Variants in TXNRD1 observed in about 807,000 individuals in gnomAD.
TXNRD1 encodes the protein thioredoxin reductase 1.
TXNRD1 carries 57 observed loss-of-function variants against 80.3 expected under a neutral mutation model. The observed-to-expected ratio is 0.71, with a 90% CI of 0.57 to 0.89. The LOEUF (loss-of-function observed/expected upper bound fraction) is 0.89, where lower values mean the gene tolerates loss of function less well. TXNRD1 is among the 40% of genes least tolerant of loss of function. The pLI, the probability that TXNRD1 is intolerant of heterozygous loss-of-function variation, is 0.00. For missense variants in TXNRD1, 730 were observed against 803.0 expected (o/e 0.91, Z 1.10); for synonymous variants, 291 against 285.2 (o/e 1.02, Z -0.20).
chr12:104,344,144 T>C (rs565447550), intron 16 of TXNRD1, among the ~76,000 whole-genome samples: 26 of 151,086 alleles, frequency 1.7e-4, no homozygotes, highest in Admixed American at 1.3e-3. Context: ...AACTGTAGGG[T>C]TGATTAAAAT....
intron 3 of TXNRD1, among the ~76,000 whole-genome samples, chr12:104,271,773 T>C (rs2033656840): frequency 6.6e-6 from 1 of 151,742 alleles, no homozygotes; most frequent in South Asian, 2.1e-4. Flanking sequence ...TGGTTTAGCT[T>C]GGGCTCAGAG....
intron 16 of TXNRD1, among the ~76,000 whole-genome samples, chr12:104,347,249 G>A (rs1315089626): frequency 6.6e-6 from 1 of 151,264 alleles, no homozygotes. Context: ...TTAAGATACT[G>A]GCCATTAGTA....
intron 3 of TXNRD1, among the ~76,000 whole-genome samples, chr12:104,277,119 C>A (rs558862691): frequency 6.6e-6 from 1 of 151,034 alleles, no homozygotes; most frequent in African/African-American, 2.4e-5. Context: ...AGGCCGGGTG[C>A]GGTGGCTCAT....
chr12:104,256,048 C>CATTT (rs757453572), intron 2 of TXNRD1, among the ~76,000 whole-genome samples: 2 of 152,266 alleles, frequency 1.3e-5, no homozygotes, highest in East Asian at 3.9e-4. Context: ...TAGCTGTTCA[C>CATTT]ATTTATTTAT....
At chr12:104,334,702 A>G (rs1202932992) in intron 15 of TXNRD1, among the ~76,000 whole-genome samples, 3 of 152,172 alleles carry the variant, frequency 2.0e-5, no homozygotes, top group Admixed American at 1.3e-4. Context: ...AGTTGGTCAC[A>G]TGGTGCAGAT....
intron 1 of TXNRD1, among the ~76,000 whole-genome samples, chr12:104,235,283 G>C (rs569312928): frequency 6.6e-6 from 1 of 152,292 alleles, no homozygotes; most frequent in South Asian, 2.1e-4. Flanking sequence ...AAATGGAGCA[G>C]GGGTGGGGGC....
chr12:104,265,720 C>G, intron 3 of TXNRD1: 1 of 1,599,392 alleles, frequency 6.3e-7, no homozygotes. Flanking sequence ...CAGCAAGTGC[C>G]GCCGGCCGGC....
At chr12:104,310,396 G>A (rs1405197443) in intron 4 of TXNRD1, among the ~76,000 whole-genome samples, 2 of 152,140 alleles carry the variant, frequency 1.3e-5, no homozygotes, top group African/African-American at 4.8e-5. Context: ...TGATCCTCCC[G>A]CCTTGGCCTC....
chr12:104,277,878 T>A (rs2033788048), intron 3 of TXNRD1, among the ~76,000 whole-genome samples: 1 of 93,304 alleles, frequency 1.1e-5, no homozygotes, highest in South Asian at 3.3e-4. Flanking sequence ...TTGGCAAGAT[T>A]CTTTTTTTTT....
At chr12:104,234,350 A>C (rs1327374731) in intron 1 of TXNRD1, among the ~76,000 whole-genome samples, 1 of 152,158 alleles carries the variant, frequency 6.6e-6, no homozygotes, top group Non-Finnish European at 1.5e-5. Flanking sequence ...GCTGGAGTGC[A>C]GTGGCATGAT....
chr12:104,321,362 A>C, intron 10 of TXNRD1, 46 bp downstream of exon 10: 1 of 1,505,182 alleles, frequency 6.6e-7, no homozygotes, highest in Non-Finnish European at 9.2e-7. Context: ...ATTCACAGTA[A>C]AAGGCAAAAA....
intron 3 of TXNRD1, chr12:104,286,921 T>G: frequency 8.6e-7 from 1 of 1,161,050 alleles, no homozygotes; most frequent in South Asian, 2.0e-5. Context: ...GCACGAGGAG[T>G]GGATTTCTGC....
chr12:104,228,660 A>G (rs2032532608), intron 1 of TXNRD1, among the ~76,000 whole-genome samples: 1 of 152,170 alleles, frequency 6.6e-6, no homozygotes, highest in Admixed American at 6.6e-5. Context: ...CAGGGGAATA[A>G]CCATTTAAAA....
chr12:104,259,552 T>C (rs10778310), intron 3 of TXNRD1, among the ~76,000 whole-genome samples: 133,458 of 146,806 alleles, frequency 0.91, 60,892 homozygotes, highest in African/African-American at 0.98. Flanking sequence ...AGTGCAATGG[T>C]GCGATCTCAG....
intron 4 of TXNRD1, among the ~76,000 whole-genome samples, chr12:104,296,387 T>C (rs2034435946): frequency 1.3e-5 from 2 of 152,218 alleles, no homozygotes; most frequent in East Asian, 1.9e-4. Context: ...AAAAAAAATA[T>C]ACATTTTAAT....
intron 3 of TXNRD1, among the ~76,000 whole-genome samples, chr12:104,275,185 G>T (rs2033731350): frequency 6.6e-6 from 1 of 151,604 alleles, no homozygotes; most frequent in Admixed American, 6.6e-5. Context: ...GGCTGAGGCA[G>T]GAGAACCACT....
At chr12:104,241,113 C>T in intron 1 of TXNRD1, among the ~76,000 whole-genome samples, 1 of 151,456 alleles carries the variant, frequency 6.6e-6, no homozygotes, top group Non-Finnish European at 1.5e-5. Flanking sequence ...GGTCTCGGCT[C>T]ACTGCAACCT....
At chr12:104,263,602 T>C (rs1415699164) in intron 3 of TXNRD1, among the ~76,000 whole-genome samples, 2 of 152,220 alleles carry the variant, frequency 1.3e-5, no homozygotes, top group African/African-American at 4.8e-5. Flanking sequence ...CTAGGAGCTT[T>C]GATCTAAGGA....
chr12:104,303,152 T>C (rs1363227537), intron 4 of TXNRD1, among the ~76,000 whole-genome samples: 1 of 152,154 alleles, frequency 6.6e-6, no homozygotes, highest in African/African-American at 2.4e-5. Flanking sequence ...CAGCACCCAG[T>C]TTCCTGCAGG....
Sources: allele counts gnomAD v4.1 joint callset (sites outside exome capture counted in the v4.1 genomes callset), GRCh38; gene constraint gnomAD v4.1.1; transcripts MANE v1.5; gene names NCBI Gene and HGNC (gene_info 2026-07-23, HGNC 2026-07-21).